Variants in P2RX5 observed in about 807,000 individuals in gnomAD.
P2RX5 encodes P2X purinoceptor 5.
In P2RX5, 46 loss-of-function variants were observed where a neutral mutation model predicts 54.1. That is an observed-to-expected ratio of 0.85 (90% CI 0.67 to 1.09). The LOEUF (loss-of-function observed/expected upper bound fraction) is 1.09, where lower values mean the gene tolerates loss of function less well. Among genes scored for constraint, P2RX5 ranks in the 50% least tolerant of loss-of-function variants. The pLI, the probability that P2RX5 is intolerant of heterozygous loss-of-function variation, is 0.00. For missense variants in P2RX5, 566 were observed against 549.8 expected (o/e 1.03, Z -0.29); for synonymous variants, 226 against 226.4 (o/e 1.00, Z 0.02).
chr17:3,680,353 CAG>C (rs1597700077), intron 10 of P2RX5, among the ~76,000 whole-genome samples: 54 of 137,544 alleles, frequency 3.9e-4, no homozygotes, highest in Non-Finnish European at 5.1e-4. Context: ...GTCCTCCACC[CAG>C]TGTCCTCCAC....
chr17:3,700,447 C>A (rs1030523743), upstream of P2RX5, among the ~76,000 whole-genome samples: 1 of 151,752 alleles, frequency 6.6e-6, no homozygotes, highest in Non-Finnish European at 1.5e-5. Context: ...GCAGGAGAAT[C>A]GCTTGAACTC....
In P2RX5 at chr17:3,689,476, C is replaced by G; in HGVS notation, c.753+16G>C. Reference sequence around the variant, plus strand: ...CCAGGCCCTCAGGGAGGGCTCCCTGCGTGCACCCCACCCACCTCCAGGGCT... The same window carrying G: ...CCAGGCCCTCAGGGAGGGCTCCCTGGGTGCACCCCACCCACCTCCAGGGCT... On this transcript the variant is annotated intron_variant, in intron 7 of 11. Transcript: ENST00000225328. 3 of 1,613,512 alleles carry G rather than the reference C, an allele frequency of 1.9e-6. No individual in the cohort carries two copies. The highest frequency in any genetic ancestry group is 2.5e-6 in the Non-Finnish European group (3 of 1,179,698).
chr17:3,694,622 A>AC (rs2050707119), intron 1 of P2RX5, among the ~76,000 whole-genome samples: 1 of 152,124 alleles, frequency 6.6e-6, no homozygotes. Flanking sequence ...CCCCCCTGAG[A>AC]CCCCGAACCA....
chr17:3,703,958 C>T, the P2RX5 span, among the ~76,000 whole-genome samples: 4 of 152,012 alleles, frequency 2.6e-5, no homozygotes, highest in African/African-American at 7.2e-5. Context: ...AAAAAGTAGC[C>T]GGACGTGGTG....
the P2RX5 span, among the ~76,000 whole-genome samples, chr17:3,719,249 A>AAAAAAAAAAAAAAAAAAC: frequency 6.8e-6 from 1 of 146,178 alleles, no homozygotes; most frequent in African/African-American, 2.5e-5. Context: ...AAAAAAAAAA[A>AAAAAAAAAAAAAAAAAAC]AAAAAAAGAA....
intron 11 of P2RX5, among the ~76,000 whole-genome samples, chr17:3,678,672 A>T (rs1298680827): frequency 6.6e-6 from 1 of 152,212 alleles, no homozygotes; most frequent in African/African-American, 2.4e-5. Context: ...GAACGCTGCC[A>T]ATTCCTGAGT....
At chr17:3,681,408 C>G (rs528730856) in intron 10 of P2RX5, among the ~76,000 whole-genome samples, 1 of 152,132 alleles carries the variant, frequency 6.6e-6, no homozygotes, top group Admixed American at 6.5e-5. Context: ...TGTGCTCTGC[C>G]GCTGTGAACA....
intron 8 of P2RX5, among the ~76,000 whole-genome samples, 196 bp from the exon 9 acceptor site, chr17:3,688,301 T>C (rs1012865695): frequency 6.6e-6 from 1 of 152,068 alleles, no homozygotes; most frequent in Non-Finnish European, 1.5e-5. Flanking sequence ...CTGCCAGACA[T>C]TCCCTGAGGA....
chr17:3,705,944 A>T, the P2RX5 span, among the ~76,000 whole-genome samples: 1 of 151,184 alleles, frequency 6.6e-6, no homozygotes, highest in East Asian at 1.9e-4. Flanking sequence ...CTACAGGTAC[A>T]TACTACACCT....
At chr17:3,717,073 T>G in the P2RX5 span, 1 of 349,608 alleles carries the variant, frequency 2.9e-6, no homozygotes, top group South Asian at 3.0e-5. Flanking sequence ...CTGTTAAAGA[T>G]GCTCTGACAG....
intron 9 of P2RX5, 60 bp from the exon 10 acceptor site, chr17:3,682,038 G>A: frequency 8.3e-7 from 1 of 1,202,488 alleles, no homozygotes; most frequent in Non-Finnish European, 1.2e-6. Flanking sequence ...GTTCATTTAG[G>A]GCACTTTGCC....
At chr17:3,701,696 GAAAAAAAAAA>G in the P2RX5 span, among the ~76,000 whole-genome samples, 1 of 73,412 alleles carries the variant, frequency 1.4e-5, no homozygotes, top group African/African-American at 5.8e-5. Context: ...CTCTGTCTCA[GAAAAAAAAAA>G]AAAAAAAAAA....
At chr17:3,699,938 GA>G (rs1188747237), upstream of P2RX5, among the ~76,000 whole-genome samples, 1 of 122,308 alleles carries the variant, frequency 8.2e-6, no homozygotes, top group East Asian at 2.4e-4. Context: ...AAGAAAGAAA[GA>G]AAGAAAGAAA....
the P2RX5 span, among the ~76,000 whole-genome samples, chr17:3,703,595 T>G: frequency 6.6e-6 from 1 of 152,128 alleles, no homozygotes. Flanking sequence ...AAATGTCAGC[T>G]GCAGGAGAGT....
the P2RX5 span, among the ~76,000 whole-genome samples, chr17:3,715,746 C>T: frequency 6.6e-6 from 1 of 151,884 alleles, no homozygotes; most frequent in South Asian, 2.1e-4. Flanking sequence ...GTAACAGTCC[C>T]AGTTACTCAG....
intron 11 of P2RX5, chr17:3,677,552 G>A: frequency 4.1e-6 from 4 of 985,416 alleles, no homozygotes; most frequent in Non-Finnish European, 4.8e-6. Flanking sequence ...AGCTTTCTCT[G>A]AGCAACCATC....
rs1567730108 is a variant in P2RX5, at chr17:3,680,132, CATCCTCCACCCTGAGTCCTCCATCCGGT to C, written c.1065-376_1065-349del. On this transcript the variant is annotated intron_variant, in intron 10 of 11. Coordinates refer to ENST00000225328, the MANE Select transcript of P2RX5 (RefSeq NM_002561.4). ...CCTCCACCCTGCATCCTCCACCCTG[CATCCTCCACCCTGAGTCCTCCATCCGGT>C]GTCCTCCACCCTGCATCCTCCACCC... Among the ~76,000 whole-genome samples the C allele has an allele frequency of 1.0e-3, 127 of 120,978 alleles. 9 individuals are homozygous for C. Among genetic ancestry groups the C allele is most frequent in the Admixed American group, 8.8e-3 (105 of 11,878 alleles). 79.4% of individuals were successfully genotyped at this position (120,978 alleles called of 152,430 possible).
At chr17:3,683,778 G>A (rs190893649) in intron 9 of P2RX5, among the ~76,000 whole-genome samples, 7 of 151,060 alleles carry the variant, frequency 4.6e-5, no homozygotes, top group Admixed American at 3.3e-4. Flanking sequence ...TGGGCCTTCT[G>A]TAAGAAAGTA....
intron 10 of P2RX5, among the ~76,000 whole-genome samples, chr17:3,680,413 G>GTCCTCCACCCTGCA (rs1567730471): frequency 1.1e-5 from 1 of 91,168 alleles, no homozygotes; most frequent in Non-Finnish European, 2.2e-5. Flanking sequence ...TCCACCCAGC[G>GTCCTCCACCCTGCA]TCCTCCACCC....
Sources: allele counts gnomAD v4.1 joint callset (sites outside exome capture counted in the v4.1 genomes callset), GRCh38; gene constraint gnomAD v4.1.1; transcripts MANE v1.5; gene names NCBI Gene and HGNC (gene_info 2026-07-23, HGNC 2026-07-21).